ZNRF3: variants seen among roughly 807,000 people sequenced by gnomAD.
The protein encoded by ZNRF3 is zinc and ring finger 3.
ZNRF3 carries 23 observed loss-of-function variants against 72.5 expected under a neutral mutation model. That is an observed-to-expected ratio of 0.32 (90% CI 0.23 to 0.45). ZNRF3 has a LOEUF of 0.45. Ranked by LOEUF, ZNRF3 falls within the 20% of genes least tolerant of loss-of-function variation. The pLI is 1.00. For synonymous variants in ZNRF3, 610 were observed against 545.3 expected, an observed-to-expected ratio of 1.12 and a Z score of -1.65; for missense variants, 1,169 against 1,272.1, an observed-to-expected ratio of 0.92 and a Z score of 1.23.
In ZNRF3 at chr22:29,056,457, C is replaced by A. The variant is rs879427708; in HGVS notation, c.*2835C>A. The stretch of plus-strand genomic sequence containing the variant: ...GTTGGCTTCTCAGACAGGGAGATCA[C>A]TGGAATAAAATAACCGATGGTCTTA... On this transcript the variant is annotated 3_prime_UTR_variant, in exon 9 of 9. Coordinates refer to ENST00000544604, the MANE Select transcript of ZNRF3 (RefSeq NM_001206998.2). 6.6e-6 allele frequency: 1 copy of A among 152,210 alleles called. No homozygotes were observed. The highest frequency in any genetic ancestry group is 2.4e-5 in the African/African-American group (1 of 41,442). The allele number at this position is 152,210 out of a possible 1,614,324, so 9.4% of individuals were successfully genotyped here. A position where few individuals can be genotyped will look rare whatever the true frequency, so the allele number is the denominator to read the frequency against.
At chr22:28,996,508 A>G (rs1298049268) in intron 2 of ZNRF3, among the ~76,000 whole-genome samples, 2 of 152,208 alleles carry the variant, frequency 1.3e-5, no homozygotes, top group African/African-American at 4.8e-5. Flanking sequence ...ATCTGAGTTC[A>G]TTGAGCTGGC....
At chr22:28,887,135 T>C (rs1228819727) in intron 1 of ZNRF3, among the ~76,000 whole-genome samples, 1 of 152,144 alleles carries the variant, frequency 6.6e-6, no homozygotes, top group African/African-American at 2.4e-5. Flanking sequence ...AAAACCTGTT[T>C]AGGAGTGTCA....
intron 1 of ZNRF3, among the ~76,000 whole-genome samples, chr22:28,971,613 C>A (rs977676030): frequency 6.6e-6 from 1 of 152,166 alleles, no homozygotes; most frequent in Admixed American, 6.5e-5. Flanking sequence ...GTGGGGCTGG[C>A]ACCATTCTTA....
At chr22:28,948,296 C>T (rs1466669163) in intron 1 of ZNRF3, among the ~76,000 whole-genome samples, 6 of 152,152 alleles carry the variant, frequency 3.9e-5, no homozygotes, top group African/African-American at 1.4e-4. Context: ...TCCCAAGTAG[C>T]TGGGACTACA....
At chr22:29,047,648 A>C (rs765341190) in intron 6 of ZNRF3, among the ~76,000 whole-genome samples, 87 of 152,254 alleles carry the variant, frequency 5.7e-4, no homozygotes, top group Non-Finnish European at 8.4e-4. Context: ...TGAAGGTTCC[A>C]TGAGAAGATC....
intron 5 of ZNRF3, among the ~76,000 whole-genome samples, chr22:29,045,428 G>C (rs1199469590): frequency 6.6e-6 from 1 of 151,180 alleles, no homozygotes; most frequent in Admixed American, 6.6e-5. Flanking sequence ...AAAAGGGCTA[G>C]TCCTACAAAG....
Position 29,049,717 on chromosome 22 carries a change from G to T in ZNRF3, c.1536G>T (p.Val512=), listed in dbSNP as rs1423219894. ...SGSGSLLFPT[V]VHVAPPSHLE... is the part of the protein sequence containing the mutation. ...GTGGCAGCCTGCTCTTCCCCACCGT[G>T]GTGCACGTGGCCCCGCCCTCCCACC... Residue 512 remains valine (V), a synonymous_variant, in exon 8 of 9, where the codon GTG becomes GTT. Coordinates refer to ENST00000544604, the MANE Select transcript of ZNRF3 (RefSeq NM_001206998.2). This position sits in a 1 kb window ranked among gnomAD's most constrained non-coding sequence, Gnocchi z 5.2. The T allele has an allele frequency of 1.2e-6, 2 of 1,601,954 alleles. No homozygotes were observed.
At chr22:29,014,974 T>G (rs2036408643) in intron 2 of ZNRF3, among the ~76,000 whole-genome samples, 1 of 152,198 alleles carries the variant, frequency 6.6e-6, no homozygotes, top group Admixed American at 6.5e-5. Context: ...CCGTCATCTG[T>G]TCTTTGACAC....
chr22:28,971,858 C>A (rs899389435), intron 1 of ZNRF3, among the ~76,000 whole-genome samples: 1 of 152,110 alleles, frequency 6.6e-6, no homozygotes, highest in East Asian at 1.9e-4. Context: ...AGGTTTACAC[C>A]ACCACACCTG....
chr22:28,921,852 T>TA (rs1373862013), intron 1 of ZNRF3, among the ~76,000 whole-genome samples: 2 of 152,186 alleles, frequency 1.3e-5, no homozygotes, highest in African/African-American at 4.8e-5. Context: ...CAAAAAGGAA[T>TA]AAAATGATTA....
chr22:28,967,463 G>C (rs2035490431), intron 1 of ZNRF3, among the ~76,000 whole-genome samples: 1 of 152,170 alleles, frequency 6.6e-6, no homozygotes, highest in Non-Finnish European at 1.5e-5. Flanking sequence ...ACTGTATTTA[G>C]GATTAAGGCT....
chr22:28,997,587 A>G (rs936625085), intron 2 of ZNRF3, among the ~76,000 whole-genome samples: 2 of 152,066 alleles, frequency 1.3e-5, no homozygotes, highest in African/African-American at 4.8e-5. Context: ...AAGAGCCTAG[A>G]TCTTAAAGCT....
At position 29,046,891 on chromosome 22, in the gene ZNRF3, CA is replaced by C. The variant is rs1569295281; in HGVS notation, c.912+9del. 1.3e-6 allele frequency: 2 copies of C among 1,546,778 alleles called. No individual in the cohort carries two copies. Among genetic ancestry groups the C allele is most frequent in the Non-Finnish European group, 1.8e-6 (2 of 1,141,090 alleles). ...AAGTACATTGATGGAGAGGTAATGG[CA>C]GAAGCAGGCCCGTCCTGGGTGGGGA... On this transcript the variant is annotated intron_variant, in intron 6 of 8. Transcript: ENST00000544604.
At chr22:28,895,068 A>C (rs1467414349) in intron 1 of ZNRF3, among the ~76,000 whole-genome samples, 1 of 152,130 alleles carries the variant, frequency 6.6e-6, no homozygotes, top group African/African-American at 2.4e-5. Context: ...GTAGCTGGCC[A>C]TCCTTTCTGT....
intron 1 of ZNRF3, among the ~76,000 whole-genome samples, chr22:28,937,638 T>A (rs2034864690): frequency 6.6e-6 from 1 of 152,284 alleles, no homozygotes; most frequent in Non-Finnish European, 1.5e-5. Flanking sequence ...AGAATCTGCA[T>A]TTCTAACAAG....
intron 2 of ZNRF3, among the ~76,000 whole-genome samples, chr22:29,037,452 C>G (rs542791488): frequency 1.3e-5 from 2 of 152,330 alleles, no homozygotes; most frequent in South Asian, 2.1e-4. Flanking sequence ...ACATAACATT[C>G]ACAGTCAGGG....
In ZNRF3 at chr22:29,048,517, G is replaced by A; in HGVS notation, c.1015+26G>A. On this transcript the variant is annotated intron_variant, in intron 7 of 8. Transcript: ENST00000544604. The surrounding 1 kb of genome is among the most constrained non-coding windows in gnomAD (Gnocchi z 4.9). ...GTAACTGTCACCCGCCTTAGCCATT[G>A]CTGAAGAGTCAAGTGCCTAGCTAGA... 6.2e-7 allele frequency: 1 copy of A among 1,609,476 alleles called. No individual in the cohort carries two copies. Among genetic ancestry groups the A allele is most frequent in the Non-Finnish European group, 8.5e-7 (1 of 1,175,798 alleles).
intron 2 of ZNRF3, chr22:29,024,941 T>C (rs1488579276): frequency 2.0e-5 from 3 of 150,152 alleles, no homozygotes; most frequent in Admixed American, 6.7e-5. Flanking sequence ...GCCATGTGAG[T>C]GGATAATAAT....
At chr22:28,893,205 G>A (rs2033925048) in intron 1 of ZNRF3, among the ~76,000 whole-genome samples, 1 of 151,902 alleles carries the variant, frequency 6.6e-6, no homozygotes, top group Non-Finnish European at 1.5e-5. Context: ...TTAAGAGTGG[G>A]GTAGTACTCA....
Sources: allele counts gnomAD v4.1 joint callset (sites outside exome capture counted in the v4.1 genomes callset), GRCh38; gene constraint gnomAD v4.1.1; non-coding constraint Gnocchi (gnomAD v3.1); transcripts MANE v1.5; gene names NCBI Gene and HGNC (gene_info 2026-07-23, HGNC 2026-07-21).